KLF12: variants seen among roughly 807,000 people sequenced by gnomAD.
KLF12 encodes Krueppel-like factor 12.
A neutral mutation model predicts 37.8 loss-of-function variants in KLF12; 9 were observed. The ratio of observed to expected loss-of-function variants is 0.24; its 90% CI spans 0.14 to 0.42. The LOEUF is 0.42. Ranked by LOEUF, KLF12 falls within the 10% of genes least tolerant of loss-of-function variation. The pLI is 1.00. For synonymous variants in KLF12, 208 were observed against 202.1 expected (o/e 1.03, Z -0.25); for missense variants, 411 against 516.0 (o/e 0.80, Z 1.97).
chr13:73,790,684 A>G (rs1881634733), intron 5 of KLF12, among the ~76,000 whole-genome samples: 1 of 152,250 alleles, frequency 6.6e-6, no homozygotes, highest in African/African-American at 2.4e-5. Context: ...TGCATCATTT[A>G]GTACCAATTT....
At chr13:73,953,208 C>T (rs1463822918) in intron 2 of KLF12, among the ~76,000 whole-genome samples, 2 of 152,090 alleles carry the variant, frequency 1.3e-5, no homozygotes, top group Admixed American at 6.5e-5. Flanking sequence ...TACCTAAAAT[C>T]TGTTACACAG....
chr13:73,772,582 C>A (rs1880340346), intron 5 of KLF12, among the ~76,000 whole-genome samples: 1 of 152,118 alleles, frequency 6.6e-6, no homozygotes, highest in South Asian at 2.1e-4. Context: ...TGTCCAATAG[C>A]AAAACCACAA....
At chr13:74,106,452 T>C (rs530432597) in intron 1 of KLF12, among the ~76,000 whole-genome samples, 39 of 152,204 alleles carry the variant, frequency 2.6e-4, no homozygotes, top group Non-Finnish European at 5.3e-4. Context: ...TGGGGAACTT[T>C]GTAACTGAAT....
chr13:74,102,226 GAA>G (rs145877454), intron 1 of KLF12, among the ~76,000 whole-genome samples: 3 of 132,510 alleles, frequency 2.3e-5, no homozygotes, highest in Non-Finnish European at 4.9e-5. Flanking sequence ...TCAAAAAAAA[GAA>G]AAAAAAAAAA....
At chr13:74,295,092 C>G in the KLF12 span, among the ~76,000 whole-genome samples, 2 of 152,176 alleles carry the variant, frequency 1.3e-5, no homozygotes, top group African/African-American at 4.8e-5. Context: ...GAGAGGCACA[C>G]TTTCCTTATC....
At chr13:73,871,766 C>A (rs1886477848) in intron 3 of KLF12, among the ~76,000 whole-genome samples, 1 of 152,158 alleles carries the variant, frequency 6.6e-6, no homozygotes, top group Non-Finnish European at 1.5e-5. Flanking sequence ...TCACTCTAGG[C>A]TGGTTAGCTT....
intron 1 of KLF12, among the ~76,000 whole-genome samples, chr13:74,123,066 G>C (rs1430272128): frequency 6.6e-6 from 1 of 150,654 alleles, no homozygotes; most frequent in South Asian, 2.1e-4. Flanking sequence ...GCGAGCTTTT[G>C]CAAAACAATG....
chr13:73,699,340 C>A (rs1005319380), intron 7 of KLF12, among the ~76,000 whole-genome samples: 3 of 152,112 alleles, frequency 2.0e-5, no homozygotes, highest in African/African-American at 7.2e-5. Context: ...GTGCTATGAT[C>A]ATGCAGCTGC....
intron 1 of KLF12, among the ~76,000 whole-genome samples, chr13:74,129,927 A>G (rs527941545): frequency 6.6e-6 from 1 of 152,370 alleles, no homozygotes; most frequent in Admixed American, 6.5e-5. Context: ...AGAACTCAAT[A>G]GCTGACATCA....
chr13:73,821,179 G>A, intron 4 of KLF12, among the ~76,000 whole-genome samples: 1 of 152,114 alleles, frequency 6.6e-6, no homozygotes, highest in Middle Eastern at 3.2e-3. Context: ...ACCCCTAAGT[G>A]TTAGTTGCTG....
intron 1 of KLF12, among the ~76,000 whole-genome samples, chr13:74,108,940 AAGT>A: frequency 6.6e-6 from 1 of 152,312 alleles, no homozygotes; most frequent in East Asian, 1.9e-4. Context: ...TTCAAGGGTC[AAGT>A]ATATGTGAAA....
chr13:73,842,852 G>T (rs1294819722), intron 4 of KLF12, among the ~76,000 whole-genome samples: 6 of 131,874 alleles, frequency 4.5e-5, no homozygotes, highest in Non-Finnish European at 7.3e-5. Flanking sequence ...GCTAAACAAA[G>T]AACTGAGGAA....
intron 5 of KLF12, among the ~76,000 whole-genome samples, chr13:73,768,235 C>A (rs893940635): frequency 6.6e-6 from 1 of 152,034 alleles, no homozygotes; most frequent in Non-Finnish European, 1.5e-5. Context: ...CCTAGGGCTG[C>A]GAGGTTTAAA....
intron 5 of KLF12, chr13:73,799,948 A>C (rs1013042968): frequency 1.3e-5 from 2 of 152,106 alleles, no homozygotes; most frequent in Non-Finnish European, 2.9e-5. Flanking sequence ...CAAAGATTTT[A>C]TTTCCAATTA....
At chr13:73,750,038 A>C (rs910727959) in intron 6 of KLF12, among the ~76,000 whole-genome samples, 3 of 152,212 alleles carry the variant, frequency 2.0e-5, no homozygotes, top group African/African-American at 7.2e-5. Flanking sequence ...CTAAAATCTT[A>C]GCTTCTGAAA....
intron 3 of KLF12, among the ~76,000 whole-genome samples, chr13:73,859,884 A>AATC (rs1566422453): frequency 6.6e-6 from 1 of 152,138 alleles, no homozygotes; most frequent in Non-Finnish European, 1.5e-5. Flanking sequence ...TAAGCAGAAA[A>AATC]ATCAGCTCAC....
chr13:73,785,600 T>C (rs1881287806), intron 5 of KLF12, among the ~76,000 whole-genome samples: 1 of 151,482 alleles, frequency 6.6e-6, no homozygotes, highest in Non-Finnish European at 1.5e-5. Context: ...ATATACCAAA[T>C]CTCTGCCCAT....
the KLF12 span, among the ~76,000 whole-genome samples, chr13:74,304,508 G>T: frequency 6.6e-6 from 1 of 151,956 alleles, no homozygotes; most frequent in Non-Finnish European, 1.5e-5. Context: ...GGGTAAAAAT[G>T]GAAAATGAGT....
chr13:73,977,559 T>C (rs890723982), intron 2 of KLF12, among the ~76,000 whole-genome samples: 1 of 152,236 alleles, frequency 6.6e-6, no homozygotes, highest in Non-Finnish European at 1.5e-5. Flanking sequence ...TAGGATTGAA[T>C]GACAATACTT....
Sources: allele counts gnomAD v4.1 joint callset (sites outside exome capture counted in the v4.1 genomes callset), GRCh38; gene constraint gnomAD v4.1.1; transcripts MANE v1.5; gene names NCBI Gene and HGNC (gene_info 2026-07-23, HGNC 2026-07-21).